MGAM2: variants seen among roughly 807,000 people sequenced by gnomAD.
MGAM2 encodes the protein maltase-glucoamylase 2 (putative), also known as probable maltase-glucoamylase 2.
In MGAM2, 98 loss-of-function variants were observed where a neutral mutation model predicts 96.1. The ratio of observed to expected loss-of-function variants is 1.02; its 90% CI spans 0.87 to 1.21. The LOEUF is 1.21. MGAM2 is among the 50% of genes most tolerant of loss of function. MGAM2 has a pLI of 0.00. For missense variants in MGAM2, 2,055 were observed against 1,182.4 expected (o/e 1.74, Z -10.82); for synonymous variants, 749 against 414.8 (o/e 1.81, Z -9.79).
rs1379285142 is a variant in MGAM2, at chr7:142,196,557, C to G, written c.4481-8C>G. On this transcript the variant is annotated splice_polypyrimidine_tract_variant and splice_region_variant and intron_variant, in intron 38 of 47. Transcript: ENST00000477922. Reference sequence around the variant, plus strand: ...TTCCTCCAACACAGCTGTGTCTTCTCTTTGCAGGCATGATGGAGTTCAGTC... The same window carrying G: ...TTCCTCCAACACAGCTGTGTCTTCTGTTTGCAGGCATGATGGAGTTCAGTC... 5.6e-6 allele frequency: 4 copies of G among 717,576 alleles called. No individual in the cohort carries two copies. The highest frequency in any genetic ancestry group is 1.7e-5 in the African/African-American group (1 of 57,914). The allele number at this position is 717,576 out of a possible 1,614,324, so 44.5% of individuals were successfully genotyped here.
intron 1 of MGAM2, among the ~76,000 whole-genome samples, chr7:142,114,923 C>A (rs552651613): frequency 6.1e-4 from 93 of 152,110 alleles, no homozygotes; most frequent in African/African-American, 2.0e-3. Flanking sequence ...ATAGAAGGAA[C>A]AATTTTTTAA....
At chr7:142,136,059 A>T (rs1408743684) in intron 7 of MGAM2, among the ~76,000 whole-genome samples, 1 of 152,166 alleles carries the variant, frequency 6.6e-6, no homozygotes, top group Non-Finnish European at 1.5e-5. Flanking sequence ...GAGCACATAT[A>T]CTGAGTTAGA....
Position 142,221,079 on chromosome 7 carries a change from G to T in MGAM2, c.6568G>T (p.Gly2190Cys). 1.4e-6 allele frequency: 1 copy of T among 702,314 alleles called. No individual in the cohort carries two copies. Among genetic ancestry groups the T allele is most frequent in the Non-Finnish European group, 2.6e-6 (1 of 384,736 alleles). 43.5% of individuals were successfully genotyped at this position (702,314 alleles called of 1,614,324 possible). A position where few individuals can be genotyped will look rare whatever the true frequency, so the allele number is the denominator to read the frequency against. The stretch of plus-strand genomic sequence containing the variant: ...AGCTATTCCTTCTCTTGCAAATACT[G>T]GTGTTGACACTACTAGCAACAGTTT... ...VTAIPSLANT[G>C]VDTTSNSFSI... is the part of the protein sequence containing the mutation. Residue 2190 changes from glycine to cysteine, a missense_variant, in exon 48 of 48, where the codon GGT (glycine) becomes TGT (cysteine). Transcript: ENST00000477922.
At chr7:142,159,845 C>T (rs1338825369) in intron 20 of MGAM2, among the ~76,000 whole-genome samples, 1 of 152,124 alleles carries the variant, frequency 6.6e-6, no homozygotes, top group Admixed American at 6.5e-5. Flanking sequence ...TTATATCAAC[C>T]TGGCTATTGT....
At chr7:142,163,951 T>C (rs1236593500) in intron 23 of MGAM2, among the ~76,000 whole-genome samples, 1 of 152,200 alleles carries the variant, frequency 6.6e-6, no homozygotes, top group Admixed American at 6.5e-5. Flanking sequence ...CTTTTTGATG[T>C]CAAGCTTAAG....
intron 1 of MGAM2, among the ~76,000 whole-genome samples, chr7:142,114,158 GAAAGA>G (rs1360424818): frequency 1.4e-5 from 1 of 70,280 alleles, no homozygotes; most frequent in African/African-American, 9.2e-5. Flanking sequence ...AAGAAGGAAA[GAAAGA>G]AAGAAAGAAA....
intron 27 of MGAM2, 101 bp from the exon 28 acceptor site, chr7:142,171,171 A>G (rs1796172677): frequency 1.4e-6 from 1 of 696,088 alleles, no homozygotes; most frequent in Non-Finnish European, 2.6e-6. Context: ...TAAATGTGCA[A>G]TAATTAAGGA....
intron 45 of MGAM2, among the ~76,000 whole-genome samples, chr7:142,202,444 G>A (rs905794713): frequency 1.3e-5 from 2 of 152,166 alleles, no homozygotes; most frequent in African/African-American, 4.8e-5. Flanking sequence ...CTAATGGGTA[G>A]TTTTTCAACC....
Position 142,171,329 on chromosome 7 carries a change from G to A in MGAM2, c.3240G>A (p.Thr1080=), listed in dbSNP as rs984803947. The A allele has an allele frequency of 4.4e-5, 31 of 702,756 alleles. 1 individual carries two copies. Among genetic ancestry groups the A allele is most frequent in the East Asian group, 1.9e-4 (7 of 37,258 alleles). The allele number at this position is 702,756 out of a possible 1,614,324, so 43.5% of individuals were successfully genotyped here. The change falls in exon 28 of 48, where the codon ACG becomes ACA. Residue 1080 remains threonine, a synonymous_variant. Transcript: ENST00000477922. The part of the protein sequence containing the change: ...IFNDMFLSIS[T]RLPSQYIYGF... Reference sequence around the variant, plus strand: ...ATGACATGTTTCTCTCCATTTCTACGCGTCTGCCGTCCCAGTACATCTATG... The same window carrying A: ...ATGACATGTTTCTCTCCATTTCTACACGTCTGCCGTCCCAGTACATCTATG...
At chr7:142,218,217 T>A in intron 46 of MGAM2, 144 bp from the exon 47 acceptor site, 1 of 480,362 alleles carries the variant, frequency 2.1e-6, no homozygotes, top group Non-Finnish European at 3.6e-6. Context: ...ATAATTATTA[T>A]GTATCAATAA....
chr7:142,171,967 C>T, intron 28 of MGAM2, 131 bp from the exon 29 acceptor site: 1 of 398,950 alleles, frequency 2.5e-6, no homozygotes, highest in South Asian at 5.0e-5. Context: ...AAGGGAGAGT[C>T]AATGAAGGCC....
chr7:142,166,581 T>C (rs1796034410), intron 25 of MGAM2, among the ~76,000 whole-genome samples: 1 of 152,206 alleles, frequency 6.6e-6, no homozygotes, highest in East Asian at 1.9e-4. Context: ...GGTCAGGCTG[T>C]TCCTGTCTAT....
chr7:142,157,853 G>T (rs1292222268), intron 17 of MGAM2, 84 bp from the exon 18 acceptor site: 2 of 660,054 alleles, frequency 3.0e-6, no homozygotes. Context: ...GAAGTGGCTA[G>T]TTTCATCTGG....
At chr7:142,187,892 T>C in intron 36 of MGAM2, 58 bp downstream of exon 36, 1 of 681,378 alleles carries the variant, frequency 1.5e-6, no homozygotes, top group Non-Finnish European at 2.7e-6. Context: ...CCAAAAGTTT[T>C]CCTTTTACTG....
chr7:142,204,814 T>C (rs1386167780), intron 45 of MGAM2, among the ~76,000 whole-genome samples: 2 of 151,798 alleles, frequency 1.3e-5, no homozygotes, highest in African/African-American at 4.8e-5. Flanking sequence ...ATAAAGTTAG[T>C]GTGGTTAATA....
chr7:142,195,558 T>C (rs12703445), intron 37 of MGAM2, among the ~76,000 whole-genome samples: 37,361 of 149,946 alleles, frequency 0.25, 5,639 homozygotes, highest in East Asian at 0.34. Context: ...GGTTTCACCA[T>C]GTTGGCCAGG....
chr7:142,120,456 G>C, intron 3 of MGAM2, 75 bp downstream of exon 3: 1 of 663,818 alleles, frequency 1.5e-6, no homozygotes, highest in Admixed American at 2.2e-5. Flanking sequence ...AGTGGGGAAA[G>C]GGTGGGGGTG....
At position 142,173,375 on chromosome 7, in the gene MGAM2, C is replaced by T. The variant is rs922342387; in HGVS notation, c.3687+21C>T. 4.3e-5 allele frequency: 30 copies of T among 700,130 alleles called. No individual in the cohort carries two copies. The African/African-American group carries it at 5.2e-4, about 12-fold the overall frequency. 43.4% of individuals were successfully genotyped at this position (700,130 alleles called of 1,614,324 possible). On this transcript the variant is annotated intron_variant, in intron 31 of 47. Coordinates refer to ENST00000477922, the MANE Select transcript of MGAM2 (RefSeq NM_001293626.2). ...CCTATGTATGAAACCCTCACTCAGCCCAAGGTGTAATTAGTTACAGGAATT... is the reference window on the plus strand; with the variant it reads ...CCTATGTATGAAACCCTCACTCAGCTCAAGGTGTAATTAGTTACAGGAATT...
intron 27 of MGAM2, 108 bp downstream of exon 27, chr7:142,170,337 G>C (rs1796150948): frequency 3.8e-6 from 2 of 519,576 alleles, no homozygotes; most frequent in Non-Finnish European, 6.8e-6. Flanking sequence ...GGAAATAGGT[G>C]TGCATTTGTT....
Sources: gnomAD v4.1 joint callset for allele counts (sites outside exome capture counted in the v4.1 genomes callset) on GRCh38, gnomAD v4.1.1 for gene constraint, MANE v1.5 for transcripts, NCBI Gene and HGNC (gene_info 2026-07-23, HGNC 2026-07-21) for gene names.